Variants in CYTH3 observed in about 807,000 individuals in gnomAD.
CYTH3 encodes cytohesin 3, also known as cytohesin-3.
A neutral mutation model predicts 55.1 loss-of-function variants in CYTH3; 23 were observed. The ratio of observed to expected loss-of-function variants is 0.42; its 90% CI spans 0.30 to 0.59. The LOEUF (loss-of-function observed/expected upper bound fraction) is 0.59, where lower values mean the gene tolerates loss of function less well. Among genes scored for constraint, CYTH3 ranks in the 20% least tolerant of loss-of-function variants. The pLI is 0.20. For missense variants in CYTH3, 413 were observed against 524.8 expected, an observed-to-expected ratio of 0.79 and a Z score of 2.08; for synonymous variants, 249 against 194.9, an observed-to-expected ratio of 1.28 and a Z score of -2.31.
chr7:6,259,075 A>G (rs889830328), intron 1 of CYTH3, among the ~76,000 whole-genome samples: 2 of 152,230 alleles, frequency 1.3e-5, no homozygotes, highest in Admixed American at 1.3e-4. Flanking sequence ...GTCCAGAGAA[A>G]AAGGAAACTC....
intron 4 of CYTH3, among the ~76,000 whole-genome samples, chr7:6,179,616 A>ACCC (rs1783427616): frequency 8.3e-6 from 1 of 121,186 alleles, no homozygotes; most frequent in African/African-American, 3.5e-5. Context: ...CACACCACAC[A>ACCC]CACACACCCC....
At chr7:6,221,957 CAAAAACAAA>C (rs1378853716) in intron 1 of CYTH3, among the ~76,000 whole-genome samples, 1 of 151,844 alleles carries the variant, frequency 6.6e-6, no homozygotes, top group Non-Finnish European at 1.5e-5. Flanking sequence ...GTCAAAAAAA[CAAAAACAAA>C]AAAAACTAAA....
chr7:6,172,858 G>A, intron 6 of CYTH3: 1 of 1,272,664 alleles, frequency 7.9e-7, no homozygotes. Flanking sequence ...TGCGCTGTGA[G>A]CACAACATCA....
chr7:6,175,610 T>C (rs1783332574), intron 5 of CYTH3, among the ~76,000 whole-genome samples: 1 of 137,518 alleles, frequency 7.3e-6, no homozygotes, highest in South Asian at 2.4e-4. Flanking sequence ...TCCAATAACA[T>C]GATTTTGACA....
chr7:6,234,461 G>A (rs1454060255), intron 1 of CYTH3, among the ~76,000 whole-genome samples: 1 of 152,208 alleles, frequency 6.6e-6, no homozygotes, highest in Non-Finnish European at 1.5e-5. Context: ...AAAGGAACAC[G>A]ATTTACTGAT....
chr7:6,267,093 T>C (rs977724562), intron 1 of CYTH3, among the ~76,000 whole-genome samples: 1 of 152,204 alleles, frequency 6.6e-6, no homozygotes, highest in African/African-American at 2.4e-5. Flanking sequence ...TCCCTCTTGC[T>C]CCTGCTCTAG....
intron 1 of CYTH3, among the ~76,000 whole-genome samples, chr7:6,223,278 G>C (rs1451647096): frequency 1.3e-5 from 2 of 152,072 alleles, no homozygotes; most frequent in African/African-American, 2.4e-5. Context: ...CGTCTGGGAA[G>C]TGAGGAGCGC....
At chr7:6,202,613 G>A (rs1266691467) in intron 1 of CYTH3, among the ~76,000 whole-genome samples, 3 of 152,060 alleles carry the variant, frequency 2.0e-5, no homozygotes, top group Admixed American at 1.3e-4. Flanking sequence ...ACAGGCATGC[G>A]CCGCCACGCC....
Position 6,170,528 on chromosome 7 carries a change from G to A in CYTH3, c.823+7C>T, listed in dbSNP as rs758106841. 3.7e-6 allele frequency: 6 copies of A among 1,613,250 alleles called. No individual in the cohort carries two copies. The highest frequency in any genetic ancestry group is 2.2e-5 in the South Asian group (2 of 91,034). On this transcript the variant is annotated splice_region_variant and intron_variant, in intron 9 of 12. Coordinates refer to ENST00000350796, the MANE Select transcript of CYTH3 (RefSeq NM_004227.4). The surrounding 1 kb of genome is among the most constrained non-coding windows in gnomAD (Gnocchi z 7.8). ...CACGCCCGGGTCCCGCTGGGCCGGCGGCTCACCCAGCTTCAGGAGCCAGCC... is the reference window on the plus strand; with the variant it reads ...CACGCCCGGGTCCCGCTGGGCCGGCAGCTCACCCAGCTTCAGGAGCCAGCC...
chr7:6,243,153 T>C (rs1481585953), intron 1 of CYTH3, among the ~76,000 whole-genome samples: 4 of 152,360 alleles, frequency 2.6e-5, no homozygotes, highest in Admixed American at 2.6e-4. Context: ...GCCCTAAGTC[T>C]GGCCTGAAAA....
At chr7:6,187,221 C>T (rs141523883) in intron 3 of CYTH3, 105 bp from the exon 4 acceptor site, 4 of 1,256,514 alleles carry the variant, frequency 3.2e-6, no homozygotes, top group Admixed American at 1.8e-5. Context: ...CTCAAGGAAG[C>T]GAAGCACAGG....
intron 4 of CYTH3, among the ~76,000 whole-genome samples, chr7:6,180,884 G>C (rs1437534507): frequency 6.6e-6 from 1 of 152,122 alleles, no homozygotes; most frequent in Non-Finnish European, 1.5e-5. Context: ...ATACCCAAGT[G>C]TCTGTCTTGT....
At chr7:6,190,687 G>A (rs1783779836) in intron 1 of CYTH3, among the ~76,000 whole-genome samples, 156 bp from the exon 2 acceptor site, 1 of 152,048 alleles carries the variant, frequency 6.6e-6, no homozygotes, top group African/African-American at 2.4e-5. Flanking sequence ...ACACTCATAG[G>A]AGCGCTCTTT....
At chr7:6,210,758 A>C (rs76353541) in intron 1 of CYTH3, among the ~76,000 whole-genome samples, 3,274 of 152,292 alleles carry the variant, frequency 0.021, 129 homozygotes, top group Admixed American at 0.1. Context: ...TAGTGGTGCC[A>C]GGCTTAGGAA....
At chr7:6,271,774 G>A (rs1418666161) in intron 1 of CYTH3, among the ~76,000 whole-genome samples, 1 of 152,148 alleles carries the variant, frequency 6.6e-6, no homozygotes, top group Non-Finnish European at 1.5e-5. Context: ...GGGCACACCT[G>A]GCTCTCCGGT....
At chr7:6,193,042 G>A (rs892893370) in intron 1 of CYTH3, among the ~76,000 whole-genome samples, 3 of 151,890 alleles carry the variant, frequency 2.0e-5, no homozygotes, top group South Asian at 2.1e-4. Context: ...TGTAGTGGTG[G>A]GCGCCTGTAA....
At position 6,204,831 on chromosome 7, in the gene CYTH3, C is replaced by G. The variant is rs530052507; in HGVS notation, c.35-14300G>C. Among the ~76,000 whole-genome samples the G allele has an allele frequency of 2.0e-5, 3 of 152,288 alleles. No homozygotes were observed. In the South Asian group the frequency reaches 6.2e-4, roughly 32 times the overall value. ...CTACTGTTGTCATAAAGACCACATT[C>G]TCTGAACACAAAACAATCAAGTTAA... On this transcript the variant is annotated intron_variant, in intron 1 of 12. Transcript: ENST00000350796.
chr7:6,229,752 G>A (rs759044206), intron 1 of CYTH3, among the ~76,000 whole-genome samples: 1 of 151,036 alleles, frequency 6.6e-6, no homozygotes, highest in Non-Finnish European at 1.5e-5. Flanking sequence ...GGGAGGCGGA[G>A]TTTGCCATGA....
chr7:6,172,797 T>C, intron 6 of CYTH3: 1 of 1,281,608 alleles, frequency 7.8e-7, no homozygotes, highest in Non-Finnish European at 1.0e-6. Flanking sequence ...GAACTGCGGC[T>C]GCAGGATTCT....
Sources: gnomAD v4.1 joint callset for allele counts (sites outside exome capture counted in the v4.1 genomes callset) on GRCh38, gnomAD v4.1.1 for gene constraint, Gnocchi (gnomAD v3.1) non-coding constraint, MANE v1.5 for transcripts, NCBI Gene and HGNC (gene_info 2026-07-23, HGNC 2026-07-21) for gene names.